The following LHFPL3 variants were observed in gnomAD, a reference collection of about 807,000 sequenced individuals.
LHFPL3 encodes the protein LHFPL tetraspan subfamily member 3 protein.
LHFPL3 carries 5 observed loss-of-function variants against 19.3 expected under a neutral mutation model. The observed-to-expected ratio is 0.26, with a 90% CI of 0.14 to 0.54. The LOEUF (loss-of-function observed/expected upper bound fraction) is 0.54. LHFPL3 is among the 20% of genes least tolerant of loss of function. LHFPL3 has a pLI of 0.94. For synonymous variants in LHFPL3, 133 were observed against 126.2 expected, an observed-to-expected ratio of 1.05 and a Z score of -0.36; for missense variants, 249 against 307.4, an observed-to-expected ratio of 0.81 and a Z score of 1.42.
chr7:104,608,687 A>G (rs1472840985), intron 1 of LHFPL3, among the ~76,000 whole-genome samples: 2 of 152,212 alleles, frequency 1.3e-5, no homozygotes, highest in Non-Finnish European at 2.9e-5. Flanking sequence ...TGCCAAGCCT[A>G]AGACCAAAGG....
At chr7:104,599,744 G>C (rs1179845611) in intron 1 of LHFPL3, among the ~76,000 whole-genome samples, 2 of 152,126 alleles carry the variant, frequency 1.3e-5, no homozygotes, top group Admixed American at 6.6e-5. Flanking sequence ...CCTCAAAACA[G>C]CTTATTTTCA....
chr7:104,739,444 T>C (rs1302587642), intron 2 of LHFPL3, among the ~76,000 whole-genome samples: 3 of 152,250 alleles, frequency 2.0e-5, no homozygotes, highest in African/African-American at 4.8e-5. Flanking sequence ...TGCTATCTTC[T>C]ATAGATTCTA....
intron 2 of LHFPL3, among the ~76,000 whole-genome samples, chr7:104,742,258 G>T (rs974857297): frequency 2.0e-5 from 3 of 152,108 alleles, no homozygotes; most frequent in Non-Finnish European, 4.4e-5. Flanking sequence ...CTGCATTTGT[G>T]TATATGGTCT....
rs1345358299 is a variant in LHFPL3, at chr7:104,636,741, A to G, written c.446-99934A>G. ...GATCTCATTCTTTTTATGGCTGCAT[A>G]GTATTCCATGGTGTATATGTAAAAC... On this transcript the variant is annotated intron_variant, in intron 1 of 2. Coordinates refer to ENST00000424859, the MANE Select transcript of LHFPL3 (RefSeq NM_199000.3). 2.0e-5 allele frequency among the ~76,000 whole-genome samples: 3 copies of G among 152,216 alleles called. No individual in the cohort carries two copies. The East Asian group carries it at 5.8e-4, about 29-fold the overall frequency.
intron 2 of LHFPL3, among the ~76,000 whole-genome samples, chr7:104,857,804 C>T (rs1223735334): frequency 2.0e-5 from 3 of 152,098 alleles, no homozygotes; most frequent in Non-Finnish European, 4.4e-5. Flanking sequence ...TTACTGAGCT[C>T]CCAAAACTGG....
intron 1 of LHFPL3, among the ~76,000 whole-genome samples, chr7:104,511,938 C>T (rs1035378549): frequency 6.9e-6 from 1 of 145,448 alleles, no homozygotes; most frequent in Non-Finnish European, 1.5e-5. Flanking sequence ...ATTTTTCTTT[C>T]CTTTTCTTTT....
chr7:104,435,732 T>C (rs1792091724), intron 1 of LHFPL3, among the ~76,000 whole-genome samples: 1 of 152,056 alleles, frequency 6.6e-6, no homozygotes, highest in South Asian at 2.1e-4. Flanking sequence ...CAAGAAAATT[T>C]ATTCCCTATT....
chr7:104,489,175 C>G (rs1273013140), intron 1 of LHFPL3, among the ~76,000 whole-genome samples: 2 of 42,202 alleles, frequency 4.7e-5, no homozygotes, highest in African/African-American at 1.2e-4. Flanking sequence ...CTCCACCTCC[C>G]GGGTTCACGC....
intron 2 of LHFPL3, among the ~76,000 whole-genome samples, chr7:104,824,154 A>ATATATATATATATTATATATTATATATAT (rs759743157): frequency 0.014 from 209 of 14,470 alleles, 85 homozygotes; most frequent in African/African-American, 0.017. Flanking sequence ...GTTTCAAAAA[A>ATATATATATATATTATATATTATATATAT]AATATATATA....
chr7:104,567,384 C>T (rs1383071144), intron 1 of LHFPL3, among the ~76,000 whole-genome samples: 2 of 152,272 alleles, frequency 1.3e-5, no homozygotes, highest in Non-Finnish European at 2.9e-5. Context: ...GCCAAGGCAG[C>T]TTTCATTCAC....
chr7:104,827,473 TG>T (rs1490343514), intron 2 of LHFPL3, among the ~76,000 whole-genome samples: 6 of 151,998 alleles, frequency 3.9e-5, no homozygotes, highest in African/African-American at 1.5e-4. Context: ...CACCTTATTT[TG>T]ATTTCCTAGT....
intron 1 of LHFPL3, among the ~76,000 whole-genome samples, chr7:104,476,751 C>T (rs530264719): frequency 7.2e-5 from 11 of 152,062 alleles, no homozygotes; most frequent in South Asian, 2.1e-4. Flanking sequence ...TGAGCCACCA[C>T]GCCCGGCCAG....
chr7:104,350,851 C>CCAA (rs1229746698), intron 1 of LHFPL3, among the ~76,000 whole-genome samples: 3 of 152,028 alleles, frequency 2.0e-5, no homozygotes, highest in African/African-American at 7.2e-5. Flanking sequence ...ACCAGCCTGG[C>CCAA]CAACATGGTG....
At chr7:104,841,259 G>T (rs1404612923) in intron 2 of LHFPL3, among the ~76,000 whole-genome samples, 2 of 152,166 alleles carry the variant, frequency 1.3e-5, no homozygotes, top group Admixed American at 1.3e-4. Flanking sequence ...ATTTTCAGGG[G>T]TCAGGGAGAC....
intron 1 of LHFPL3, among the ~76,000 whole-genome samples, chr7:104,588,174 G>A (rs1790624718): frequency 6.6e-6 from 1 of 152,088 alleles, no homozygotes; most frequent in Admixed American, 6.6e-5. Context: ...TTGTGTTTTA[G>A]ACATGAAGTC....
intron 1 of LHFPL3, among the ~76,000 whole-genome samples, chr7:104,407,829 A>G (rs1398209063): frequency 1.3e-5 from 2 of 152,254 alleles, no homozygotes; most frequent in African/African-American, 4.8e-5. Flanking sequence ...TTAAATTATT[A>G]GACTTTCTTT....
At chr7:104,699,971 T>A (rs1793071261) in intron 1 of LHFPL3, among the ~76,000 whole-genome samples, 1 of 152,204 alleles carries the variant, frequency 6.6e-6, no homozygotes, top group Admixed American at 6.5e-5. Context: ...AGGCCTTACA[T>A]GTCCCCTGAG....
intron 1 of LHFPL3, among the ~76,000 whole-genome samples, chr7:104,368,386 G>A (rs145128372): frequency 6.6e-6 from 1 of 152,182 alleles, no homozygotes; most frequent in South Asian, 2.1e-4. Flanking sequence ...TTCAGTTTGA[G>A]ACTTTTAAGA....
chr7:104,852,875 C>T (rs1791438278), intron 2 of LHFPL3, among the ~76,000 whole-genome samples: 1 of 152,162 alleles, frequency 6.6e-6, no homozygotes, highest in African/African-American at 2.4e-5. Flanking sequence ...GTCCCACCCC[C>T]ACCTTCCGGC....
Sources: gnomAD v4.1 joint callset for allele counts (sites outside exome capture counted in the v4.1 genomes callset) on GRCh38, gnomAD v4.1.1 for gene constraint, MANE v1.5 for transcripts, NCBI Gene and HGNC (gene_info 2026-07-23, HGNC 2026-07-21) for gene names.